CIMAP1D: variants seen among roughly 807,000 people sequenced by gnomAD.
CIMAP1D encodes the protein CIMAP1 family member D, also known as protein CIMAP1D.
At chr19:468,865 G>A in the CIMAP1D span, among the ~76,000 whole-genome samples, 2,074 of 46,978 alleles carry the variant, frequency 0.044, 108 homozygotes, top group East Asian at 0.28. Flanking sequence ...AGACCTCCCC[G>A]AAACATCATC....
the CIMAP1D span, among the ~76,000 whole-genome samples, chr19:481,523 T>TGGGGAAGGATGATGGGGAAGGATGAG: frequency 2.0e-5 from 2 of 102,444 alleles, no homozygotes; most frequent in Admixed American, 1.1e-4. Context: ...GGAAGGATGA[T>TGGGGAAGGATGATGGGGAAGGATGAG]GGGGAAGGAT....
At chr19:476,204 C>T in the CIMAP1D span, among the ~76,000 whole-genome samples, 1 of 151,806 alleles carries the variant, frequency 6.6e-6, no homozygotes, top group African/African-American at 2.4e-5. Flanking sequence ...AGGCACACTC[C>T]ACCATGTCCA....
the CIMAP1D span, chr19:463,919 C>T: frequency 6.2e-6 from 10 of 1,611,400 alleles, no homozygotes; most frequent in Non-Finnish European, 8.5e-6. Context: ...TGGCCCGTTT[C>T]GAGTGGCGGA....
chr19:478,919 C>T, the CIMAP1D span, among the ~76,000 whole-genome samples: 17 of 152,348 alleles, frequency 1.1e-4, no homozygotes, highest in African/African-American at 3.4e-4. Context: ...GCTGGGAAAA[C>T]GGGAGAGGAC....
the CIMAP1D span, among the ~76,000 whole-genome samples, chr19:487,267 C>T: frequency 1.3e-5 from 2 of 152,168 alleles, no homozygotes; most frequent in Non-Finnish European, 1.5e-5. Flanking sequence ...GTATTTACAA[C>T]ACAGGGGGCG....
the CIMAP1D span, among the ~76,000 whole-genome samples, chr19:486,862 C>T: frequency 4.6e-5 from 7 of 151,964 alleles, no homozygotes; most frequent in Admixed American, 3.3e-4. Context: ...TGTAGTGAGC[C>T]GAGATTGTGC....
the CIMAP1D span, among the ~76,000 whole-genome samples, chr19:480,068 C>T: frequency 6.6e-6 from 1 of 152,336 alleles, no homozygotes; most frequent in African/African-American, 2.4e-5. Context: ...AGGTCGGGAG[C>T]CTCGCGGAGA....
the CIMAP1D span, among the ~76,000 whole-genome samples, chr19:466,919 A>G: frequency 1.9e-4 from 14 of 74,082 alleles, no homozygotes; most frequent in East Asian, 4.3e-4. Flanking sequence ...GGACGGGTGG[A>G]TAGATGGTTG....
At chr19:479,398 CTTT>C in the CIMAP1D span, among the ~76,000 whole-genome samples, 1 of 78,910 alleles carries the variant, frequency 1.3e-5, no homozygotes, top group African/African-American at 5.2e-5. Context: ...TTCTTTTTCT[CTTT>C]TTTTTTTTTT....
the CIMAP1D span, chr19:463,994 A>G: frequency 6.2e-7 from 1 of 1,609,668 alleles, no homozygotes; most frequent in East Asian, 2.2e-5. Context: ...AGTGGGCGCC[A>G]GGGCCGGGGG....
At chr19:474,804 C>T in the CIMAP1D span, 30 of 1,355,976 alleles carry the variant, frequency 2.2e-5, no homozygotes, top group East Asian at 8.8e-5. Flanking sequence ...CCTTCTGAGC[C>T]GCAGCAGCTC....
chr19:464,103 G>A, the CIMAP1D span: 18 of 1,339,774 alleles, frequency 1.3e-5, no homozygotes, highest in East Asian at 4.6e-5. Context: ...GTACTGGCCC[G>A]GGCCTGGTAT....
the CIMAP1D span, among the ~76,000 whole-genome samples, chr19:476,084 C>T: frequency 7.4e-4 from 108 of 146,146 alleles, 1 homozygote; most frequent in African/African-American, 2.2e-3. Flanking sequence ...CTGGAACCTC[C>T]GCCTCCAGGG....
the CIMAP1D span, chr19:463,686 T>G: frequency 1.9e-6 from 2 of 1,064,090 alleles, no homozygotes; most frequent in South Asian, 3.2e-5. Context: ...CCCCAGGGAC[T>G]GGAAGGATCA....
the CIMAP1D span, among the ~76,000 whole-genome samples, chr19:466,336 G>GGATA: frequency 8.4e-6 from 1 of 118,482 alleles, no homozygotes; most frequent in African/African-American, 3.2e-5. Context: ...GGTGGAGGGT[G>GGATA]GATGGATGAG....
chr19:468,730 C>G, the CIMAP1D span, among the ~76,000 whole-genome samples: 1 of 152,224 alleles, frequency 6.6e-6, no homozygotes. Context: ...CACGGCCCCA[C>G]AGACCGTCTG....
the CIMAP1D span, among the ~76,000 whole-genome samples, chr19:491,603 C>A: frequency 9.9e-5 from 15 of 151,970 alleles, no homozygotes; most frequent in South Asian, 3.1e-3. Flanking sequence ...CCCCAGGCCT[C>A]GCCGCTTCCC....
the CIMAP1D span, among the ~76,000 whole-genome samples, chr19:465,155 GTGGA>G: frequency 6.9e-6 from 1 of 144,474 alleles, no homozygotes; most frequent in Non-Finnish European, 1.5e-5. Flanking sequence ...GGGTGGGTGG[GTGGA>G]TGGCTGGGTG....
the CIMAP1D span, among the ~76,000 whole-genome samples, chr19:468,508 T>A: frequency 3.3e-5 from 5 of 152,318 alleles, no homozygotes; most frequent in African/African-American, 1.2e-4. Context: ...TCTTGTGAGC[T>A]GGTGACCTTG....
Sources: allele counts gnomAD v4.1 joint callset (sites outside exome capture counted in the v4.1 genomes callset), GRCh38; gene constraint gnomAD v4.1.1; transcripts MANE v1.5; gene names NCBI Gene and HGNC (gene_info 2026-07-23, HGNC 2026-07-21).